RNF38: variants seen among roughly 807,000 people sequenced by gnomAD.
RNF38 encodes the protein E3 ubiquitin-protein ligase RNF38.
A neutral mutation model predicts 67.2 loss-of-function variants in RNF38; 15 were observed. The ratio of observed to expected loss-of-function variants is 0.22; its 90% CI spans 0.15 to 0.34. RNF38 has a LOEUF of 0.34. Among genes scored for constraint, RNF38 ranks in the 10% least tolerant of loss-of-function variants. RNF38 has a pLI of 1.00. For missense variants in RNF38, 524 were observed against 639.9 expected (o/e 0.82, Z 1.95); for synonymous variants, 220 against 218.8 (o/e 1.01, Z -0.05).
chr9:36,462,621 C>A (rs1044620698), intron 1 of RNF38, among the ~76,000 whole-genome samples: 1 of 152,020 alleles, frequency 6.6e-6, no homozygotes, highest in African/African-American at 2.4e-5. Flanking sequence ...TAACTTCCTT[C>A]GAATTTCTGC....
intron 4 of RNF38, among the ~76,000 whole-genome samples, chr9:36,359,912 CT>C (rs113019680): frequency 7.7e-4 from 114 of 148,660 alleles, no homozygotes; most frequent in African/African-American, 2.6e-3. Context: ...CTACACCTGG[CT>C]TTTTTTTTTA....
chr9:36,479,917 T>C (rs1393181222), intron 1 of RNF38, among the ~76,000 whole-genome samples: 3 of 152,116 alleles, frequency 2.0e-5, no homozygotes, highest in Non-Finnish European at 4.4e-5. Context: ...ATGGGCAACA[T>C]AGCAAGACCC....
intron 1 of RNF38, among the ~76,000 whole-genome samples, chr9:36,435,240 A>C (rs1839036087): frequency 6.6e-6 from 1 of 152,172 alleles, no homozygotes. Context: ...AAATTTTTGA[A>C]CCATGCGAAT....
chr9:36,392,302 T>C (rs1837173667), intron 1 of RNF38, among the ~76,000 whole-genome samples: 1 of 152,222 alleles, frequency 6.6e-6, no homozygotes, highest in Non-Finnish European at 1.5e-5. Flanking sequence ...ACTTTAGAAT[T>C]CATTAGTTTT....
At chr9:36,458,731 G>A (rs1329036278) in intron 1 of RNF38, among the ~76,000 whole-genome samples, 1 of 151,042 alleles carries the variant, frequency 6.6e-6, no homozygotes, top group Admixed American at 6.6e-5. Context: ...TCACCGCGAG[G>A]GTCCGCGGCT....
chr9:36,387,172 T>C (rs2133979977), intron 2 of RNF38, among the ~76,000 whole-genome samples: 1 of 152,272 alleles, frequency 6.6e-6, no homozygotes, highest in East Asian at 1.9e-4. Flanking sequence ...GAAATAACCA[T>C]AAAAATGGGC....
chr9:36,406,813 T>C (rs916648139), intron 2 of RNF38, among the ~76,000 whole-genome samples: 1 of 152,214 alleles, frequency 6.6e-6, no homozygotes, highest in Admixed American at 6.5e-5. Context: ...AGCTTTGCTG[T>C]CATCCCTAAG....
chr9:36,463,189 G>C (rs1296866809), intron 1 of RNF38, among the ~76,000 whole-genome samples: 1 of 152,102 alleles, frequency 6.6e-6, no homozygotes, highest in African/African-American at 2.4e-5. Flanking sequence ...ACATCATGAG[G>C]ATGTAAGCTT....
At chr9:36,375,484 T>C (rs1390773279) in intron 3 of RNF38, among the ~76,000 whole-genome samples, 1 of 152,214 alleles carries the variant, frequency 6.6e-6, no homozygotes, top group Non-Finnish European at 1.5e-5. Flanking sequence ...GAGCTACTAC[T>C]GTGCCAAGTC....
intron 1 of RNF38, among the ~76,000 whole-genome samples, chr9:36,391,155 C>A (rs1837050866): frequency 1.3e-5 from 2 of 152,100 alleles, no homozygotes; most frequent in Admixed American, 6.6e-5. Flanking sequence ...AACCTAAAGA[C>A]CTTCCTAAGG....
rs1563987173 is a variant in RNF38 at position 36,338,281 on chromosome 9, A to C, written c.*1471T>G. ...ATACAGCTATGTATTACATCAACTA[A>C]ATGAAGGTCAACTCCTGTTTAACAG... On this transcript the variant is annotated 3_prime_UTR_variant, in exon 12 of 12. Coordinates refer to ENST00000259605, the MANE Select transcript of RNF38 (RefSeq NM_022781.5). 6.6e-6 allele frequency: 1 copy of C among 152,236 alleles called. No individual in the cohort carries two copies. The highest frequency in any genetic ancestry group is 1.5e-5 in the Non-Finnish European group (1 of 68,038). 9.4% of individuals were successfully genotyped at this position (152,236 alleles called of 1,614,324 possible). A position where few individuals can be genotyped will look rare whatever the true frequency, so the allele number is the denominator to read the frequency against.
intron 3 of RNF38, among the ~76,000 whole-genome samples, chr9:36,370,342 G>A (rs1435856189): frequency 6.6e-6 from 1 of 151,926 alleles, no homozygotes; most frequent in Non-Finnish European, 1.5e-5. Flanking sequence ...TACCTAATAG[G>A]CACCTTTTTG....
chr9:36,367,716 T>C (rs74624914), intron 4 of RNF38, among the ~76,000 whole-genome samples: 5,825 of 152,308 alleles, frequency 0.038, 204 homozygotes, highest in Admixed American at 0.12. Flanking sequence ...CAGCTTTCTT[T>C]TGTTGTATTC....
chr9:36,399,163 TACTTGACAATTTA>T (rs1318893365), intron 1 of RNF38, among the ~76,000 whole-genome samples: 4 of 152,192 alleles, frequency 2.6e-5, no homozygotes, highest in Non-Finnish European at 5.9e-5. Flanking sequence ...CCCAGAGTAA[TACTTGACAATTTA>T]ACTATAAAAA....
chr9:36,387,540 A>T (rs1450042155), intron 2 of RNF38, among the ~76,000 whole-genome samples: 3 of 152,208 alleles, frequency 2.0e-5, no homozygotes, highest in Non-Finnish European at 4.4e-5. Context: ...AACATCAGGG[A>T]ATTTTGGGGG....
intron 2 of RNF38, among the ~76,000 whole-genome samples, chr9:36,387,680 G>A (rs781166729): frequency 2.0e-5 from 3 of 152,118 alleles, no homozygotes; most frequent in African/African-American, 4.8e-5. Context: ...AATATTGTAT[G>A]AAGCACTTTA....
intron 1 of RNF38, among the ~76,000 whole-genome samples, chr9:36,455,601 T>C (rs1008302234): frequency 5.9e-5 from 9 of 151,780 alleles, no homozygotes; most frequent in Admixed American, 5.9e-4. Flanking sequence ...GCCAAGATGG[T>C]GAAACCCCGT....
At chr9:36,445,519 G>GA (rs1167719627) in intron 1 of RNF38, among the ~76,000 whole-genome samples, 1 of 152,196 alleles carries the variant, frequency 6.6e-6, no homozygotes, top group Admixed American at 6.5e-5. Context: ...CCATATGTAT[G>GA]AAAGCAATGG....
intron 2 of RNF38, among the ~76,000 whole-genome samples, chr9:36,407,634 C>A (rs1838213953): frequency 6.6e-6 from 1 of 152,164 alleles, no homozygotes; most frequent in Non-Finnish European, 1.5e-5. Flanking sequence ...AGGCAACAGG[C>A]CTCCACTAGA....
Sources: gnomAD v4.1 joint callset for allele counts (sites outside exome capture counted in the v4.1 genomes callset) on GRCh38, gnomAD v4.1.1 for gene constraint, MANE v1.5 for transcripts, NCBI Gene and HGNC (gene_info 2026-07-23, HGNC 2026-07-21) for gene names.